CIITA: variants seen among roughly 807,000 people sequenced by gnomAD.
CIITA encodes MHC class II transactivator.
In CIITA, 72 loss-of-function variants were observed where a neutral mutation model predicts 115.1. The ratio of observed to expected loss-of-function variants is 0.63; its 90% CI spans 0.52 to 0.76. The LOEUF is 0.76. CIITA is among the 30% of genes least tolerant of loss of function. CIITA has a pLI of 0.00. For synonymous variants in CIITA, 763 were observed against 635.6 expected, an observed-to-expected ratio of 1.20 and a Z score of -3.02; for missense variants, 1,617 against 1,463.8, an observed-to-expected ratio of 1.10 and a Z score of -1.71.
rs1231710319 is a variant in CIITA, at chr16:10,901,326, T to C, written c.437-188T>C. ...TCTGCTGCTACACTGCCTGGTATGG[T>C]TTGAGATGGGGTTTGGGTTCAAGCC... On this transcript the variant is annotated intron_variant, in intron 5 of 19. Coordinates refer to ENST00000324288, the MANE Select transcript of CIITA (RefSeq NM_000246.4). This position sits in a 1 kb window ranked among gnomAD's most constrained non-coding sequence, Gnocchi z 6.8. Among the ~76,000 whole-genome samples the C allele has an allele frequency of 6.6e-6, 1 of 151,950 alleles. No homozygotes were observed. The highest frequency in any genetic ancestry group is 2.4e-5 in the African/African-American group (1 of 41,362).
rs1417506133 is a variant in CIITA, at chr16:10,935,988, A to G, written c.*12133A>G. The G allele has an allele frequency of 6.9e-6, 1 of 145,872 alleles. No individual in the cohort carries two copies. The highest frequency in any genetic ancestry group is 1.5e-5 in the Non-Finnish European group (1 of 66,468). 9.0% of individuals were successfully genotyped at this position (145,872 alleles called of 1,614,324 possible). On this transcript the variant is annotated 3_prime_UTR_variant, in exon 20 of 20. Coordinates refer to ENST00000324288, the MANE Select transcript of CIITA (RefSeq NM_000246.4). ...ATTGTTAAGGGACACTACTGGGACA[A>G]TTTTTTTTTTTTTTCGTTTTGAGAC...
intron 12 of CIITA, among the ~76,000 whole-genome samples, chr16:10,909,868 G>T (rs1352225861): frequency 6.6e-6 from 1 of 152,080 alleles, no homozygotes; most frequent in Admixed American, 6.5e-5. Context: ...CCAAGTAGCT[G>T]GGATTATAGG....
downstream of CIITA, chr16:10,937,844 A>C (rs1189543054): frequency 6.6e-6 from 1 of 152,220 alleles, no homozygotes; most frequent in Non-Finnish European, 1.5e-5. This position sits in a 1 kb window ranked among gnomAD's most constrained non-coding sequence, Gnocchi z 4.2. Flanking sequence ...AGAGCCGGCT[A>C]TCCAGGGTTC....
downstream of CIITA, chr16:10,940,645 G>C (rs1187235043): frequency 6.6e-6 from 1 of 152,390 alleles, no homozygotes; most frequent in Non-Finnish European, 1.5e-5. The surrounding 1 kb of genome is among the most constrained non-coding windows in gnomAD (Gnocchi z 4.2). Context: ...TGGCTCACGT[G>C]TTCTCTCTAA....
rs768372760 is a variant in CIITA, at chr16:10,941,806, A to G, written n.932A>G. 5.6e-6 allele frequency: 9 copies of G among 1,613,472 alleles called. No homozygotes were observed. The highest frequency in any genetic ancestry group is 2.5e-6 in the Non-Finnish European group (3 of 1,179,862). ...GTCGGAGAGCACGCCGAGGTCCACGAGCGCCTGGTCCATGTCCTCGGGCAG... is the reference window on the plus strand; with the variant it reads ...GTCGGAGAGCACGCCGAGGTCCACGGGCGCCTGGTCCATGTCCTCGGGCAG... On this transcript the variant is annotated non_coding_transcript_exon_variant, in exon 2 of 2. Coordinates refer to the CIITA transcript ENST00000573379. This position sits in a 1 kb window ranked among gnomAD's most constrained non-coding sequence, Gnocchi z 6.4.
At chr16:10,915,705 T>C (rs532864135) in intron 14 of CIITA, 55 bp downstream of exon 14, 1 of 1,467,162 alleles carries the variant, frequency 6.8e-7, no homozygotes, top group East Asian at 2.3e-5. Flanking sequence ...AGTGCTGTGA[T>C]CATAGCTCAC....
chr16:10,915,049 T>G, intron 13 of CIITA: 1 of 456,214 alleles, frequency 2.2e-6, no homozygotes, highest in Non-Finnish European at 4.4e-6. Context: ...TTTCTTTTCT[T>G]TTTTTGTTTT....
At position 10,901,778 on chromosome 16, in the gene CIITA, T is replaced by C. The variant is rs756868298; in HGVS notation, c.481+220T>C. ...GGGCTTGGAGCTAACAGATTGTTCA[T>C]AGGTTCTATTCTGCCCCAGCTCTCC... On this transcript the variant is annotated intron_variant, in intron 6 of 19. Coordinates refer to ENST00000324288, the MANE Select transcript of CIITA (RefSeq NM_000246.4). The surrounding 1 kb of genome is among the most constrained non-coding windows in gnomAD (Gnocchi z 6.8). The C allele has an allele frequency of 3.0e-6, 2 of 664,856 alleles. No homozygotes were observed. Among genetic ancestry groups the C allele is most frequent in the South Asian group, 1.8e-5 (1 of 54,534 alleles). 41.2% of individuals were successfully genotyped at this position (664,856 alleles called of 1,614,324 possible).
intron 13 of CIITA, among the ~76,000 whole-genome samples, chr16:10,910,862 C>T (rs2039510780): frequency 6.6e-6 from 1 of 152,232 alleles, no homozygotes; most frequent in African/African-American, 2.4e-5. Flanking sequence ...AATCTTTCCC[C>T]CATTTTGAAA....
intron 16 of CIITA, among the ~76,000 whole-genome samples, 154 bp from the exon 17 acceptor site, chr16:10,922,013 G>C (rs1048260318): frequency 1.3e-5 from 2 of 152,182 alleles, no homozygotes; most frequent in African/African-American, 4.8e-5. Context: ...GTAAGTACTT[G>C]GCACAATGCC....
chr16:10,878,208 C>A (rs539112244), intron 1 of CIITA, among the ~76,000 whole-genome samples: 149 of 152,194 alleles, frequency 9.8e-4, no homozygotes, highest in African/African-American at 3.5e-3. Context: ...CTCAGACTCC[C>A]CTGAAATGTA....
Position 10,909,255 on chromosome 16 carries a change from A to G in CIITA, c.2816+68A>G, listed in dbSNP as rs370317397. 3.7e-5 allele frequency: 58 copies of G among 1,551,588 alleles called. No homozygotes were observed. In the African/African-American group the frequency reaches 6.2e-4, roughly 17 times the overall value. On this transcript the variant is annotated intron_variant, in intron 12 of 19. Transcript: ENST00000324288. The stretch of plus-strand genomic sequence containing the variant: ...TTGAGGACATGTAGGACCCATTCTC[A>G]AGTTTGTCATGGGCATTTCCAGTGC...
Position 10,920,197 on chromosome 16 carries a change from A to T in CIITA, c.3149+1671A>T, listed in dbSNP as rs1339685298. 6.6e-6 allele frequency among the ~76,000 whole-genome samples: 1 copy of T among 152,196 alleles called. No individual in the cohort carries two copies. Among genetic ancestry groups the T allele is most frequent in the African/African-American group, 2.4e-5 (1 of 41,442 alleles). On this transcript the variant is annotated intron_variant, in intron 16 of 19. Transcript: ENST00000324288. This position sits in a 1 kb window ranked among gnomAD's most constrained non-coding sequence, Gnocchi z 4.5. ...TGCAGTTTTTCAGTGTGAATGGAAAAGTAGGTGGGCCTGGGAAGGCGACAC... is the reference window on the plus strand; with the variant it reads ...TGCAGTTTTTCAGTGTGAATGGAAATGTAGGTGGGCCTGGGAAGGCGACAC...
At position 10,902,759 on chromosome 16, in the gene CIITA, T is replaced by A; in HGVS notation, c.730T>A (p.Ser244Thr). The A allele has an allele frequency of 6.2e-7, 1 of 1,614,186 alleles. No homozygotes were observed. Among genetic ancestry groups the A allele is most frequent in the Non-Finnish European group, 8.5e-7 (1 of 1,180,028 alleles). ...STLPHGLWQI[S>T]EAGTGVSSIF... is the part of the protein sequence containing the mutation. ...TCTGCCCCATGGGCTCTGGCAAATCTCTGAGGCTGGAACAGGGGTCTCCAG... is the reference window on the plus strand; with the variant it reads ...TCTGCCCCATGGGCTCTGGCAAATCACTGAGGCTGGAACAGGGGTCTCCAG... Residue 244 changes from serine to threonine, a missense_variant, in exon 8 of 20, where the codon TCT becomes ACT. Ser to Thr is a moderately conservative substitution (Grantham distance 58, BLOSUM62 1). Coordinates refer to ENST00000324288, the MANE Select transcript of CIITA (RefSeq NM_000246.4).
chr16:10,909,253 T>C, intron 12 of CIITA, 66 bp downstream of exon 12: 1 of 1,550,828 alleles, frequency 6.4e-7, no homozygotes, highest in Non-Finnish European at 8.9e-7. Flanking sequence ...GGACCCATTC[T>C]CAAGTTTGTC....
chr16:10,881,855 G>A (rs1002639551), intron 1 of CIITA, among the ~76,000 whole-genome samples: 2 of 152,066 alleles, frequency 1.3e-5, no homozygotes, highest in Admixed American at 1.3e-4. Flanking sequence ...CCAGCTCGTG[G>A]TAACTCCAAC....
intron 13 of CIITA, among the ~76,000 whole-genome samples, chr16:10,914,169 A>G (rs2039790276): frequency 6.6e-6 from 1 of 152,196 alleles, no homozygotes; most frequent in African/African-American, 2.4e-5. Context: ...GGCCTGGCAC[A>G]TAGTAGGCAA....
chr16:10,910,052 AG>A (rs2144795793), intron 12 of CIITA, 135 bp from the exon 13 acceptor site: 2 of 700,988 alleles, frequency 2.9e-6, no homozygotes, highest in Admixed American at 2.3e-5. Context: ...TTTTTTTAAG[AG>A]GGGGACAACA....
chr16:10,935,392 A>G lies in CIITA; in HGVS notation c.*11537A>G, dbSNP rs901105584. On this transcript the variant is annotated 3_prime_UTR_variant, in exon 20 of 20. Transcript: ENST00000324288. ...TTAATCTCTTTTTAACAAAGAATAC[A>G]GGCCAAGGCCCTGTGACTTTAGCTG... is the stretch of plus-strand genomic sequence containing the variant. 1 of 152,252 alleles carries G rather than the reference A, an allele frequency of 6.6e-6. No homozygotes were observed. Among genetic ancestry groups the G allele is most frequent in the African/African-American group, 2.4e-5 (1 of 41,482 alleles). The allele number at this position is 152,252 out of a possible 1,614,324, so 9.4% of individuals were successfully genotyped here. A position where few individuals can be genotyped will look rare whatever the true frequency, so the allele number is the denominator to read the frequency against.
Sources: gnomAD v4.1 joint callset for allele counts (sites outside exome capture counted in the v4.1 genomes callset) on GRCh38, gnomAD v4.1.1 for gene constraint, Gnocchi (gnomAD v3.1) non-coding constraint, MANE v1.5 for transcripts, NCBI Gene and HGNC (gene_info 2026-07-23, HGNC 2026-07-21) for gene names.